TMEM132D: variants seen among roughly 807,000 people sequenced by gnomAD.
The protein encoded by TMEM132D is mature OL transmembrane protein.
In TMEM132D, 21 loss-of-function variants were observed where a neutral mutation model predicts 62.3. The ratio of observed to expected loss-of-function variants is 0.34; its 90% CI spans 0.24 to 0.49. The LOEUF is 0.49. Ranked by LOEUF, TMEM132D falls within the 20% of genes least tolerant of loss-of-function variation. TMEM132D has a pLI of 0.99. For synonymous variants in TMEM132D, 621 were observed against 575.6 expected, an observed-to-expected ratio of 1.08 and a Z score of -1.13; for missense variants, 1,346 against 1,402.8, an observed-to-expected ratio of 0.96 and a Z score of 0.65.
chr12:129,709,395 T>C (rs663071), intron 1 of TMEM132D, among the ~76,000 whole-genome samples: 5,460 of 152,284 alleles, frequency 0.036, 272 homozygotes, highest in African/African-American at 0.099. Flanking sequence ...TGTAACTATT[T>C]ATTAGAATAG....
At chr12:129,108,641 A>G (rs1875580955) in intron 5 of TMEM132D, among the ~76,000 whole-genome samples, 1 of 152,156 alleles carries the variant, frequency 6.6e-6, no homozygotes, top group Non-Finnish European at 1.5e-5. Flanking sequence ...ATTCTGGGGA[A>G]GCACTCCCTG....
intron 1 of TMEM132D, among the ~76,000 whole-genome samples, chr12:129,732,148 C>G (rs1040698739): frequency 7.9e-5 from 12 of 152,164 alleles, no homozygotes; most frequent in Non-Finnish European, 1.8e-4. Context: ...CCAGCCACCA[C>G]CAACCCAGCC....
At chr12:129,254,860 G>A (rs1328445524) in intron 4 of TMEM132D, among the ~76,000 whole-genome samples, 1 of 152,152 alleles carries the variant, frequency 6.6e-6, no homozygotes, top group Non-Finnish European at 1.5e-5. Context: ...ACCCTAGGCT[G>A]TCCATATGTA....
chr12:129,356,518 G>C (rs1426826153), intron 3 of TMEM132D, among the ~76,000 whole-genome samples: 1 of 151,552 alleles, frequency 6.6e-6, no homozygotes, highest in Non-Finnish European at 1.5e-5. Flanking sequence ...AAAGCTTCTG[G>C]CAATAAATAA....
chr12:129,519,994 G>A (rs1337388638), intron 3 of TMEM132D, among the ~76,000 whole-genome samples: 1 of 152,136 alleles, frequency 6.6e-6, no homozygotes, highest in Admixed American at 6.5e-5. Flanking sequence ...AACTTATAAA[G>A]GGCTCTAGGA....
intron 1 of TMEM132D, among the ~76,000 whole-genome samples, chr12:129,801,135 G>A (rs1391005342): frequency 6.6e-6 from 1 of 152,236 alleles, no homozygotes; most frequent in African/African-American, 2.4e-5. Context: ...GCGAGGTTGG[G>A]GGAGGGGCGC....
At chr12:129,669,635 G>A (rs747604804) in intron 2 of TMEM132D, among the ~76,000 whole-genome samples, 92 of 152,202 alleles carry the variant, frequency 6.0e-4, no homozygotes, top group Middle Eastern at 3.4e-3. Context: ...AACCCAGGAG[G>A]CAAAAGTTGT....
intron 3 of TMEM132D, among the ~76,000 whole-genome samples, chr12:129,429,235 A>G (rs968217183): frequency 6.6e-6 from 1 of 152,192 alleles, no homozygotes; most frequent in African/African-American, 2.4e-5. Context: ...TCTGCTCTGC[A>G]CTTGATGGGA....
At chr12:129,281,332 G>GCA (rs1314800745) in intron 4 of TMEM132D, among the ~76,000 whole-genome samples, 3 of 151,458 alleles carry the variant, frequency 2.0e-5, no homozygotes, top group East Asian at 1.9e-4. Context: ...GTCAGGATGT[G>GCA]CACACACACA....
At position 129,591,251 on chromosome 12, in the gene TMEM132D, G is replaced by A. The variant is rs555430167; in HGVS notation, c.969-60046C>T. ...TCCTCATCATGGCTTCCAAAGATTC[G>A]TGGGTAACCCTTAAATGACAACATC... On this transcript the variant is annotated intron_variant, in intron 2 of 8. Coordinates refer to ENST00000422113, the MANE Select transcript of TMEM132D (RefSeq NM_133448.3). Among the ~76,000 whole-genome samples, 74 of 152,294 alleles carry A rather than the reference G, an allele frequency of 4.9e-4. 1 individual carries two copies. The highest frequency in any genetic ancestry group is 4.6e-3 in the Admixed American group (70 of 15,298).
chr12:129,191,580 C>T (rs1257017983), intron 5 of TMEM132D, among the ~76,000 whole-genome samples: 1 of 151,398 alleles, frequency 6.6e-6, no homozygotes, highest in East Asian at 1.9e-4. Context: ...GTTTTCTCCT[C>T]TGTAAAGGAA....
intron 1 of TMEM132D, among the ~76,000 whole-genome samples, chr12:129,711,375 C>T (rs1202179436): frequency 2.6e-5 from 4 of 152,188 alleles, no homozygotes; most frequent in African/African-American, 7.2e-5. Flanking sequence ...GCAGCGCTAT[C>T]AATCAGGTTC....
chr12:129,346,645 G>A (rs1869695229), intron 3 of TMEM132D, among the ~76,000 whole-genome samples: 1 of 152,150 alleles, frequency 6.6e-6, no homozygotes, highest in South Asian at 2.1e-4. Context: ...TTGAAAACCG[G>A]CACAAGACAA....
At chr12:129,467,803 C>A (rs951331406) in intron 3 of TMEM132D, among the ~76,000 whole-genome samples, 11 of 152,148 alleles carry the variant, frequency 7.2e-5, no homozygotes, top group Non-Finnish European at 1.5e-4. Flanking sequence ...CCCAAAGGGC[C>A]CTGATTGCTA....
chr12:129,740,459 G>C (rs1322787932), intron 1 of TMEM132D, among the ~76,000 whole-genome samples: 3 of 152,096 alleles, frequency 2.0e-5, no homozygotes, highest in African/African-American at 4.8e-5. Flanking sequence ...TTTGCCTGAA[G>C]GTGGTCATTG....
chr12:129,399,722 G>A (rs886712457), intron 3 of TMEM132D, among the ~76,000 whole-genome samples: 1 of 151,898 alleles, frequency 6.6e-6, no homozygotes, highest in African/African-American at 2.4e-5. Flanking sequence ...AATAAGATAT[G>A]CAGTTCTACT....
intron 6 of TMEM132D, among the ~76,000 whole-genome samples, chr12:129,083,219 C>T (rs1413737832): frequency 6.6e-6 from 1 of 152,172 alleles, no homozygotes. Context: ...ATAAGAAAGG[C>T]AGAGAGGGCC....
At chr12:129,251,913 G>C (rs1490264988) in intron 4 of TMEM132D, among the ~76,000 whole-genome samples, 1 of 152,144 alleles carries the variant, frequency 6.6e-6, no homozygotes, top group Non-Finnish European at 1.5e-5. Context: ...GAAACACAAG[G>C]TGGAAGGAAC....
At chr12:129,103,510 T>C (rs1875384864) in intron 5 of TMEM132D, among the ~76,000 whole-genome samples, 1 of 152,156 alleles carries the variant, frequency 6.6e-6, no homozygotes, top group Non-Finnish European at 1.5e-5. Context: ...AGCTTCCAAG[T>C]TGGGATAATT....
Sources: gnomAD v4.1 joint callset for allele counts (sites outside exome capture counted in the v4.1 genomes callset) on GRCh38, gnomAD v4.1.1 for gene constraint, MANE v1.5 for transcripts, NCBI Gene and HGNC (gene_info 2026-07-23, HGNC 2026-07-21) for gene names.